The following SRBD1 variants were observed in gnomAD, a reference collection of about 807,000 sequenced individuals.
The protein encoded by SRBD1 is S1 RNA-binding domain-containing protein 1.
In SRBD1, 88 loss-of-function variants were observed where a neutral mutation model predicts 115.3. That is an observed-to-expected ratio of 0.76 (90% confidence interval 0.64 to 0.91). The LOEUF is 0.91. SRBD1 is among the 40% of genes least tolerant of loss of function. SRBD1 has a pLI of 0.00. For missense variants in SRBD1, 1,385 were observed against 1,177.4 expected, an observed-to-expected ratio of 1.18 and a Z score of -2.58; for synonymous variants, 509 against 407.7, an observed-to-expected ratio of 1.25 and a Z score of -2.99.
At chr2:45,476,062 C>T (rs1478991463) in intron 16 of SRBD1, among the ~76,000 whole-genome samples, 2 of 152,192 alleles carry the variant, frequency 1.3e-5, no homozygotes, top group African/African-American at 4.8e-5. Context: ...CCTTTAGCAA[C>T]TATCTTTCTG....
At chr2:45,515,492 A>G (rs949638559) in intron 14 of SRBD1, among the ~76,000 whole-genome samples, 2 of 152,158 alleles carry the variant, frequency 1.3e-5, no homozygotes, top group Non-Finnish European at 2.9e-5. Context: ...TGGGTATTTT[A>G]GAAAACTGAA....
chr2:45,547,629 G>C lies in SRBD1; in HGVS notation c.1676-17C>G. On this transcript the variant is annotated splice_polypyrimidine_tract_variant and intron_variant, in intron 12 of 20. Coordinates refer to ENST00000263736, the MANE Select transcript of SRBD1 (RefSeq NM_018079.5). ...GTATCTGACCTTTAAAAAATGAAAA[G>C]AATAAGCCATTTTATAAGAAATTAC... is the stretch of plus-strand genomic sequence containing the variant. 4 of 1,585,170 alleles carry C rather than the reference G, an allele frequency of 2.5e-6. No individual in the cohort carries two copies. The highest frequency in any genetic ancestry group is 1.7e-4 in the Middle Eastern group (1 of 5,952).
At chr2:45,450,032 A>C (rs1297336871) in intron 16 of SRBD1, among the ~76,000 whole-genome samples, 1 of 152,154 alleles carries the variant, frequency 6.6e-6, no homozygotes, top group East Asian at 1.9e-4. Context: ...AATAATGCCC[A>C]AACACTTGGA....
intron 9 of SRBD1, among the ~76,000 whole-genome samples, chr2:45,571,796 A>T (rs1673027727): frequency 6.6e-6 from 1 of 152,152 alleles, no homozygotes; most frequent in South Asian, 2.1e-4. Flanking sequence ...ACAAAGAATA[A>T]ATCAACAAGC....
intron 16 of SRBD1, among the ~76,000 whole-genome samples, chr2:45,463,611 G>C (rs1669391803): frequency 6.6e-6 from 1 of 152,044 alleles, no homozygotes; most frequent in South Asian, 2.1e-4. Flanking sequence ...TTTTTCTAAT[G>C]TGAACATTAT....
In SRBD1 at chr2:45,461,658, G is replaced by GCC. The variant is rs3835990; in HGVS notation, c.2049+15333_2049+15334dup. On this transcript the variant is annotated intron_variant, in intron 16 of 20. Coordinates refer to ENST00000263736, the MANE Select transcript of SRBD1 (RefSeq NM_018079.5). ...ACTTTTAAACCTCAGAGATTCAACT[G>GCC]CCCCCCCCAACTTTTAAATCTCAGA... is the stretch of plus-strand genomic sequence containing the variant. 6.8e-3 allele frequency among the ~76,000 whole-genome samples: 1,023 copies of GCC among 150,952 alleles called. 14 individuals carry two copies. Among genetic ancestry groups the GCC allele is most frequent in the African/African-American group, 0.024 (976 of 41,042 alleles).
At chr2:45,553,566 T>C (rs1672371007) in intron 11 of SRBD1, 57 bp downstream of exon 11, 41 of 1,134,796 alleles carry the variant, frequency 3.6e-5, no homozygotes, top group Non-Finnish European at 4.7e-5. Flanking sequence ...ACTGTAATGG[T>C]ACTAGTATCA....
chr2:45,460,103 A>G (rs1335137487), intron 16 of SRBD1, among the ~76,000 whole-genome samples: 1 of 152,138 alleles, frequency 6.6e-6, no homozygotes, highest in Non-Finnish European at 1.5e-5. Context: ...TTTATCCACA[A>G]GAAAACACGT....
At chr2:45,482,139 T>C (rs1669985009) in intron 15 of SRBD1, among the ~76,000 whole-genome samples, 1 of 152,174 alleles carries the variant, frequency 6.6e-6, no homozygotes, top group Non-Finnish European at 1.5e-5. Flanking sequence ...GAAGCTATTA[T>C]TTTTTAAAAT....
rs756095120 is a variant in SRBD1, at chr2:45,419,852, C to T, written c.2092G>A (p.Val698Ile). ...ACAAAGCTGACACATTCTTCTACAA[C>T]ACTGTCCAGTGTTGCCTTGAGTAAA... ...QTLLKATLDS[V>I]VEECVSFVGV... Residue 698 changes from valine (V) to isoleucine (I), a missense_variant, in exon 17 of 21, where the codon GTT (valine) becomes ATT (isoleucine). Transcript: ENST00000263736. The T allele has an allele frequency of 1.2e-6, 2 of 1,613,666 alleles. No homozygotes were observed. Among genetic ancestry groups the T allele is most frequent in the Non-Finnish European group, 1.7e-6 (2 of 1,179,870 alleles).
intron 14 of SRBD1, chr2:45,546,029 A>G: frequency 2.6e-6 from 1 of 383,192 alleles, no homozygotes; most frequent in Non-Finnish European, 3.6e-6. Context: ...GTTAAATATC[A>G]GCCATTATAA....
intron 16 of SRBD1, among the ~76,000 whole-genome samples, chr2:45,442,620 T>TA (rs1415725968): frequency 2.0e-5 from 3 of 152,216 alleles, no homozygotes; most frequent in African/African-American, 7.2e-5. Context: ...TGTTGGTCCT[T>TA]AAAGAAACAG....
At chr2:45,432,064 C>G (rs971507593) in intron 16 of SRBD1, among the ~76,000 whole-genome samples, 1 of 146,662 alleles carries the variant, frequency 6.8e-6, no homozygotes, top group Admixed American at 6.9e-5. Context: ...GTGTCTCACC[C>G]TGTCGCCCAG....
chr2:45,559,948 G>C (rs951893722), intron 10 of SRBD1, among the ~76,000 whole-genome samples: 7 of 152,062 alleles, frequency 4.6e-5, no homozygotes, highest in African/African-American at 1.7e-4. Flanking sequence ...GGGTGTGGTG[G>C]TGCGCACCTG....
chr2:45,576,920 T>A (rs1572797913), intron 7 of SRBD1, among the ~76,000 whole-genome samples: 1 of 152,330 alleles, frequency 6.6e-6, no homozygotes, highest in Non-Finnish European at 1.5e-5. Flanking sequence ...TGAAACTTTA[T>A]GTAATTAATG....
intron 16 of SRBD1, among the ~76,000 whole-genome samples, chr2:45,464,446 G>A: frequency 6.6e-6 from 1 of 152,154 alleles, no homozygotes; most frequent in East Asian, 1.9e-4. Flanking sequence ...CACGTCCTCA[G>A]ATCATTGGTT....
At chr2:45,515,207 T>C (rs777148941) in intron 14 of SRBD1, among the ~76,000 whole-genome samples, 5 of 152,156 alleles carry the variant, frequency 3.3e-5, no homozygotes, top group Non-Finnish European at 5.9e-5. Flanking sequence ...GTGTTAACAT[T>C]TGCAGTTTCT....
intron 9 of SRBD1, among the ~76,000 whole-genome samples, chr2:45,571,452 G>A (rs756874973): frequency 6.9e-6 from 1 of 144,278 alleles, no homozygotes; most frequent in South Asian, 2.2e-4. Flanking sequence ...CAACAAACAG[G>A]GGAGGGGAGA....
At chr2:45,425,750 A>C (rs1411721174) in intron 16 of SRBD1, among the ~76,000 whole-genome samples, 4 of 152,110 alleles carry the variant, frequency 2.6e-5, no homozygotes, top group African/African-American at 9.7e-5. Flanking sequence ...TCCCTCCCCT[A>C]GCCAAGGGAA....
Sources: allele counts gnomAD v4.1 joint callset (sites outside exome capture counted in the v4.1 genomes callset), GRCh38; gene constraint gnomAD v4.1.1; transcripts MANE v1.5; gene names NCBI Gene and HGNC (gene_info 2026-07-23, HGNC 2026-07-21).